Variants in PFKM observed in about 807,000 individuals in gnomAD.
The protein encoded by PFKM is ATP-dependent 6-phosphofructokinase, muscle type.
Under a neutral mutation model 95.5 loss-of-function variants are expected in PFKM, and 58 were observed. The observed-to-expected ratio is 0.61, with a 90% CI of 0.49 to 0.76. The LOEUF is 0.76. PFKM is among the 30% of genes least tolerant of loss of function. The pLI, the probability that PFKM is intolerant of heterozygous loss-of-function variation, is 0.00. For synonymous variants in PFKM, 336 were observed against 357.2 expected, an observed-to-expected ratio of 0.94 and a Z score of 0.67; for missense variants, 678 against 1,005.4, an observed-to-expected ratio of 0.67 and a Z score of 4.40.
At chr12:48,126,289 C>A (rs1001593117) in intron 2 of PFKM, among the ~76,000 whole-genome samples, 6 of 152,152 alleles carry the variant, frequency 3.9e-5, no homozygotes, top group African/African-American at 1.2e-4. Flanking sequence ...AAAGAATTAC[C>A]GGGGCTCCTT....
At chr12:48,130,470 C>G (rs776235629) in intron 3 of PFKM, 34 bp downstream of exon 3, 1 of 1,482,868 alleles carries the variant, frequency 6.7e-7, no homozygotes, top group South Asian at 1.1e-5. Flanking sequence ...ATCATTCTTT[C>G]TCTGTCTTCT....
upstream of PFKM, among the ~76,000 whole-genome samples, chr12:48,115,434 G>C (rs1243052997): frequency 6.6e-6 from 1 of 151,994 alleles, no homozygotes; most frequent in East Asian, 1.9e-4. Context: ...GAGGGAAGGG[G>C]GTGGATCTCA....
intron 10 of PFKM, among the ~76,000 whole-genome samples, chr12:48,136,503 C>T (rs1205071518): frequency 2.6e-5 from 4 of 152,020 alleles, no homozygotes; most frequent in African/African-American, 9.7e-5. Context: ...TTTGTGTGAA[C>T]TTAAATTTTC....
chr12:48,134,302 A>C (rs746260778), intron 7 of PFKM, 26 bp downstream of exon 7: 1 of 1,601,082 alleles, frequency 6.2e-7, no homozygotes. Flanking sequence ...TGACCCATTT[A>C]TTCCGTGGAC....
intron 2 of PFKM, among the ~76,000 whole-genome samples, chr12:48,130,143 G>A (rs1250393220): frequency 2.6e-5 from 4 of 152,196 alleles, no homozygotes; most frequent in Non-Finnish European, 5.9e-5. Flanking sequence ...GGGGCTTGAG[G>A]AGCAATGAAT....
At chr12:48,125,896 T>C (rs1948790348) in intron 2 of PFKM, among the ~76,000 whole-genome samples, 1 of 152,224 alleles carries the variant, frequency 6.6e-6, no homozygotes, top group Non-Finnish European at 1.5e-5. Flanking sequence ...TCCTCATATA[T>C]TTTTAAAAAT....
chr12:48,131,832 C>T (rs573174863), intron 4 of PFKM: 132 of 360,782 alleles, frequency 3.7e-4, no homozygotes, highest in South Asian at 1.1e-3. Context: ...GACAGCCTTT[C>T]GGAGTCTCAA....
chr12:48,122,564 A>G (rs1246439695), intron 1 of PFKM: 47 of 1,414,100 alleles, frequency 3.3e-5, no homozygotes, highest in South Asian at 4.5e-5. Context: ...CTTGGGCTTG[A>G]TTACATGACA....
rs1209205598 is a variant in PFKM, at chr12:48,141,393, T to G, written c.1412+12T>G. On this transcript the variant is annotated intron_variant, in intron 15 of 22. Coordinates refer to ENST00000359794, the MANE Select transcript of PFKM (RefSeq NM_000289.6). ...CTTGGGACTAAAAGGTAAGTAGCACTGCAGAGGCACCTCCTCCCAGTCACC... is the reference window on the plus strand; with the variant it reads ...CTTGGGACTAAAAGGTAAGTAGCACGGCAGAGGCACCTCCTCCCAGTCACC... 6 of 1,610,904 alleles carry G rather than the reference T, an allele frequency of 3.7e-6. No homozygotes were observed. Among genetic ancestry groups the G allele is most frequent in the Non-Finnish European group, 5.1e-6 (6 of 1,177,044 alleles).
chr12:48,106,167 A>C (rs1258567219), intron 1 of PFKM: 1 of 700,956 alleles, frequency 1.4e-6, no homozygotes, highest in East Asian at 2.7e-5. Flanking sequence ...CTGGGGCAGG[A>C]GGTCAAAGAA....
chr12:48,116,449 G>A (rs959359575), upstream of PFKM, among the ~76,000 whole-genome samples: 2 of 152,002 alleles, frequency 1.3e-5, no homozygotes, highest in Non-Finnish European at 2.9e-5. Flanking sequence ...ATCATTTTTA[G>A]AGAACTGTCT....
Position 48,145,828 on chromosome 12 carries a change from T to C in PFKM, c.*120T>C, listed in dbSNP as rs1377059291. On this transcript the variant is annotated 3_prime_UTR_variant, in exon 23 of 23. Transcript: ENST00000359794. The surrounding 1 kb of genome is among the most constrained non-coding windows in gnomAD (Gnocchi z 4.3). ...TTAGGTTTCCTTTTATTCTGTACCT[T>C]GCAGCCATGACCAGTTCTGGCCAGG... 1 of 1,149,800 alleles carries C rather than the reference T, an allele frequency of 8.7e-7. No homozygotes were observed. Among genetic ancestry groups the C allele is most frequent in the Non-Finnish European group, 1.3e-6 (1 of 780,102 alleles). 71.2% of individuals were successfully genotyped at this position (1,149,800 alleles called of 1,614,324 possible). A position where few individuals can be genotyped will look rare whatever the true frequency, so the allele number is the denominator to read the frequency against.
chr12:48,133,540 C>T (rs1949743636), intron 6 of PFKM, 60 bp downstream of exon 6: 2 of 1,453,942 alleles, frequency 1.4e-6, no homozygotes, highest in Non-Finnish European at 1.9e-6. Flanking sequence ...GGCTAAAGGG[C>T]TAGAAGCTCC....
At chr12:48,110,068 A>G (rs1947047355) in intron 3 of PFKM, among the ~76,000 whole-genome samples, 1 of 152,220 alleles carries the variant, frequency 6.6e-6, no homozygotes, top group Admixed American at 6.5e-5. Flanking sequence ...AATGAAGGAA[A>G]ATAACTCCAT....
Position 48,145,399 on chromosome 12 carries a change from T to TC in PFKM, c.2198+85dup. The TC allele has an allele frequency of 7.4e-7, 1 of 1,342,836 alleles. No homozygotes were observed. The allele number at this position is 1,342,836 out of a possible 1,614,324, so 83.2% of individuals were successfully genotyped here. A position where few individuals can be genotyped will look rare whatever the true frequency, so the allele number is the denominator to read the frequency against. On this transcript the variant is annotated intron_variant, in intron 22 of 22. Coordinates refer to ENST00000359794, the MANE Select transcript of PFKM (RefSeq NM_000289.6). The surrounding 1 kb of genome is among the most constrained non-coding windows in gnomAD (Gnocchi z 4.3). ...CCTCAACCTGTTCACTGTCTTTAAT[T>TC]CTTTTTTTTTTTTAAGGAGTAACAC...
At chr12:48,134,413 C>A in intron 7 of PFKM, 137 bp downstream of exon 7, 1 of 790,788 alleles carries the variant, frequency 1.3e-6, no homozygotes, top group Non-Finnish European at 2.2e-6. Context: ...GTTCCCTTTC[C>A]GGCCTCCATC....
intron 2 of PFKM, among the ~76,000 whole-genome samples, chr12:48,127,188 C>T (rs1391813895): frequency 6.6e-6 from 1 of 152,204 alleles, no homozygotes; most frequent in East Asian, 1.9e-4. Context: ...ATTGCTAAAT[C>T]CTGGTTCTTT....
intron 2 of PFKM, among the ~76,000 whole-genome samples, chr12:48,126,792 G>C (rs1326477714): frequency 6.6e-6 from 1 of 152,176 alleles, no homozygotes; most frequent in Non-Finnish European, 1.5e-5. Flanking sequence ...TAGGCCTTGT[G>C]AAAGACTGGA....
rs775212149 is a variant in PFKM, at chr12:48,106,153, G to C, written c.-10+16G>C. ...GAGTCGCTAGGTGGCTGAAGAGGAG[G>C]GGGCTGGGGCAGGAGGTCAAAGAAC... On this transcript the variant is annotated intron_variant, in intron 1 of 24. Transcript: ENST00000340802. 4.4e-5 allele frequency: 31 copies of C among 701,914 alleles called. No homozygotes were observed. In the South Asian group the frequency reaches 4.6e-4, roughly 10 times the overall value. 43.5% of individuals were successfully genotyped at this position (701,914 alleles called of 1,614,324 possible).
Sources: gnomAD v4.1 joint callset for allele counts (sites outside exome capture counted in the v4.1 genomes callset) on GRCh38, gnomAD v4.1.1 for gene constraint, Gnocchi (gnomAD v3.1) non-coding constraint, MANE v1.5 for transcripts, NCBI Gene and HGNC (gene_info 2026-07-23, HGNC 2026-07-21) for gene names.